IGF2R: variants seen among roughly 807,000 people sequenced by gnomAD.
IGF2R encodes the protein insulin like growth factor 2 receptor.
A neutral mutation model predicts 270.6 loss-of-function variants in IGF2R; 91 were observed. That is an observed-to-expected ratio of 0.34 (90% CI 0.28 to 0.40). IGF2R has a LOEUF of 0.40. Ranked by LOEUF, IGF2R falls within the 10% of genes least tolerant of loss-of-function variation. The pLI is 1.00. For synonymous variants in IGF2R, 1,316 were observed against 1,258.9 expected, an observed-to-expected ratio of 1.05 and a Z score of -0.96; for missense variants, 2,805 against 3,188.3, an observed-to-expected ratio of 0.88 and a Z score of 2.90.
At position 160,047,785 on chromosome 6, in the gene IGF2R, G is replaced by A; in HGVS notation, c.2230-7G>A. 1 of 1,579,738 alleles carries A rather than the reference G, an allele frequency of 6.3e-7. No individual in the cohort carries two copies. The highest frequency in any genetic ancestry group is 8.7e-7 in the Non-Finnish European group (1 of 1,148,534). The stretch of plus-strand genomic sequence containing the variant: ...TGCCATCCCTCCGCGCATCTGCCGT[G>A]GATTAGGAAGAGGATAACTCCACCT... On this transcript the variant is annotated splice_polypyrimidine_tract_variant and splice_region_variant and intron_variant, in intron 16 of 47. Coordinates refer to ENST00000356956, the MANE Select transcript of IGF2R (RefSeq NM_000876.4).
intron 45 of IGF2R, among the ~76,000 whole-genome samples, chr6:160,100,684 A>C (rs1160036198): frequency 7.6e-6 from 1 of 132,436 alleles, no homozygotes; most frequent in African/African-American, 2.7e-5. Flanking sequence ...AGAAAACTTT[A>C]GCAAAAATTA....
intron 7 of IGF2R, among the ~76,000 whole-genome samples, chr6:160,030,174 A>C (rs1777662938): frequency 6.6e-6 from 1 of 152,162 alleles, no homozygotes; most frequent in Non-Finnish European, 1.5e-5. Flanking sequence ...CGCAGCTGTA[A>C]ACTCTTCGAG....
chr6:160,096,512 C>T lies in IGF2R; in HGVS notation c.6729C>T (p.Thr2243=), dbSNP rs1779362966. ...ATAAGACCAAGTCTGTTTCTTCCAC[C>T]ATCTTCTTCCACTGTGACCCTCTGG... ...GKDKTKSVSS[T]IFFHCDPLVE... Residue 2243 remains threonine (T), a synonymous_variant, in exon 45 of 48, where the codon ACC becomes ACT. Coordinates refer to ENST00000356956, the MANE Select transcript of IGF2R (RefSeq NM_000876.4). The T allele has an allele frequency of 6.2e-7, 1 of 1,614,020 alleles. No homozygotes were observed. Among genetic ancestry groups the T allele is most frequent in the Admixed American group, 1.7e-5 (1 of 59,994 alleles).
At chr6:160,080,855 C>T (rs889802246) in intron 39 of IGF2R, among the ~76,000 whole-genome samples, 101 of 151,964 alleles carry the variant, frequency 6.6e-4, no homozygotes, top group Middle Eastern at 3.4e-3. Context: ...CGGTGGCTCA[C>T]GCCTGTAATC....
rs144685922 is a variant in IGF2R, at chr6:160,073,869, A to G, written c.5060A>G (p.Asn1687Ser). Residue 1687 changes from asparagine to serine, a missense_variant, in exon 35 of 48, where the codon AAC (asparagine) becomes AGC (serine). Physicochemically the swap from Asn to Ser is conservative, Grantham distance 46 (BLOSUM62 1). Transcript: ENST00000356956. ...AGTGAGGATGATGCCTCCGATACCAACCCTGATTTCTACATCAATATTTGT... is the reference window on the plus strand; with the variant it reads ...AGTGAGGATGATGCCTCCGATACCAGCCCTGATTTCTACATCAATATTTGT... ...DESEDDASDT[N>S]PDFYINICQP... is the part of the protein sequence containing the mutation. 1.9e-5 allele frequency: 30 copies of G among 1,614,088 alleles called. No individual in the cohort carries two copies. Among genetic ancestry groups the G allele is most frequent in the South Asian group, 1.1e-4 (10 of 91,080 alleles).
chr6:160,047,710 C>A, intron 16 of IGF2R, 82 bp from the exon 17 acceptor site: 1 of 871,994 alleles, frequency 1.1e-6, no homozygotes, highest in Non-Finnish European at 2.0e-6. Flanking sequence ...GGGAACATTG[C>A]TCTCGTCCTT....
At chr6:159,997,247 A>G (rs1160782859) in intron 2 of IGF2R, among the ~76,000 whole-genome samples, 2 of 152,046 alleles carry the variant, frequency 1.3e-5, no homozygotes. Context: ...GCACTCCCTG[A>G]GGGTAGATCT....
chr6:160,047,277 G>A lies in IGF2R; in HGVS notation c.2170G>A (p.Ala724Thr), dbSNP rs6413491. 3,012 of 1,612,466 alleles carry A rather than the reference G, an allele frequency of 1.9e-3. 52 individuals carry two copies. In the African/African-American group the frequency reaches 0.033, roughly 18 times the overall value. The part of the protein sequence containing the change: ...PYNNERHTPR[A>T]TLITFLCDRD... The stretch of plus-strand genomic sequence containing the variant: ...TAACAATGAAAGACACACACCGAGA[G>A]CTACGCTCATCACCTTTCTCTGTGA... Residue 724 changes from alanine to threonine, a missense_variant, in exon 16 of 48, where the codon GCT (alanine) becomes ACT (threonine). Around this residue, in one of 2 missense-constraint regions of IGF2R, gnomAD observed 954 missense variants for 981.1 expected, o/e 0.97. Coordinates refer to ENST00000356956, the MANE Select transcript of IGF2R (RefSeq NM_000876.4).
intron 1 of IGF2R, among the ~76,000 whole-genome samples, chr6:159,980,555 G>A (rs1243058637): frequency 1.3e-5 from 2 of 152,234 alleles, no homozygotes; most frequent in Admixed American, 6.5e-5. Flanking sequence ...CTGATGTTTG[G>A]CTCCAGCATC....
chr6:160,027,096 A>T, intron 5 of IGF2R, 89 bp from the exon 6 acceptor site: 1 of 1,407,512 alleles, frequency 7.1e-7, no homozygotes, highest in Non-Finnish European at 1.0e-6. Flanking sequence ...GGAATTCAAT[A>T]ATGTATTTAA....
At position 160,058,979 on chromosome 6, in the gene IGF2R, C is replaced by G; in HGVS notation, c.2972C>G (p.Thr991Ser). 1.2e-6 allele frequency: 2 copies of G among 1,614,176 alleles called. No homozygotes were observed. Among genetic ancestry groups the G allele is most frequent in the Middle Eastern group, 1.6e-4 (1 of 6,062 alleles). ...CCTGCTTCTGGCTGTGAGGCAGAAACCCAAACTGAAGAGCTCAAGAATTGG... is the reference window on the plus strand; with the variant it reads ...CCTGCTTCTGGCTGTGAGGCAGAAAGCCAAACTGAAGAGCTCAAGAATTGG... ...GKPASGCEAE[T>S]QTEELKNWKP... Residue 991 changes from threonine (T) to serine (S), a missense_variant, in exon 22 of 48, where the codon ACC (threonine) becomes AGC (serine). Coordinates refer to ENST00000356956, the MANE Select transcript of IGF2R (RefSeq NM_000876.4).
chr6:159,969,089 T>TGC lies in IGF2R; in HGVS notation c.-158_-157insGC. Reference sequence around the variant, plus strand: ...GGTTCCGGGGCCGCCGCTGCCGCTGTCGCTGTCGCCGAGCCCAGTCGAGCC... The same window carrying TGC: ...GGTTCCGGGGCCGCCGCTGCCGCTGTGCCGCTGTCGCCGAGCCCAGTCGAGCC... On this transcript the variant is annotated 5_prime_UTR_variant, in exon 1 of 48. Transcript: ENST00000356956. The TGC allele has an allele frequency of 3.9e-6, 1 of 257,848 alleles. No homozygotes were observed. The highest frequency in any genetic ancestry group is 2.3e-5 in the African/African-American group (1 of 43,018). The allele number at this position is 257,848 out of a possible 1,614,324, so 16.0% of individuals were successfully genotyped here.
chr6:160,053,358 A>T (rs1293645509), intron 19 of IGF2R, among the ~76,000 whole-genome samples: 2 of 152,178 alleles, frequency 1.3e-5, no homozygotes, highest in Non-Finnish European at 2.9e-5. Context: ...GCACATGTAT[A>T]CCTATGTATC....
At chr6:160,031,214 G>C (rs936755816) in intron 7 of IGF2R, among the ~76,000 whole-genome samples, 12 of 152,160 alleles carry the variant, frequency 7.9e-5, no homozygotes, top group Middle Eastern at 3.2e-3. Flanking sequence ...TAATACTTGG[G>C]AGGTTTGTTT....
intron 22 of IGF2R, among the ~76,000 whole-genome samples, chr6:160,059,541 G>A (rs917135166): frequency 2.6e-5 from 4 of 152,104 alleles, no homozygotes; most frequent in East Asian, 1.9e-4. Context: ...ATATCCCCCC[G>A]CAGATAAGGG....
intron 2 of IGF2R, among the ~76,000 whole-genome samples, chr6:160,001,407 T>G (rs1784128868): frequency 6.6e-6 from 1 of 152,046 alleles, no homozygotes; most frequent in Admixed American, 6.5e-5. Context: ...TTCCACTGAT[T>G]CTGCACTGTG....
At chr6:160,076,131 T>C (rs1778850911) in intron 36 of IGF2R, 135 bp downstream of exon 36, 3 of 829,460 alleles carry the variant, frequency 3.6e-6, no homozygotes, top group Admixed American at 2.1e-5. Flanking sequence ...GGTACGCTAG[T>C]AGTGTGTCTG....
At chr6:160,041,158 A>T (rs1777936737) in intron 11 of IGF2R, among the ~76,000 whole-genome samples, 1 of 152,148 alleles carries the variant, frequency 6.6e-6, no homozygotes, top group Non-Finnish European at 1.5e-5. Flanking sequence ...AGCGCCCCCC[A>T]CAGCACAACC....
At chr6:160,018,791 A>G (rs1777363230) in intron 4 of IGF2R, among the ~76,000 whole-genome samples, 1 of 152,156 alleles carries the variant, frequency 6.6e-6, no homozygotes, top group South Asian at 2.1e-4. Flanking sequence ...GATACACAGC[A>G]TAAAACCTGC....
Sources: gnomAD v4.1 joint callset for allele counts (sites outside exome capture counted in the v4.1 genomes callset) on GRCh38, gnomAD v4.1.1 for gene constraint, gnomAD v4.1.1 regional missense constraint, MANE v1.5 for transcripts, NCBI Gene and HGNC (gene_info 2026-07-23, HGNC 2026-07-21) for gene names.